Variants in NUDT12 observed in about 807,000 individuals in gnomAD.
NUDT12 encodes nudix hydrolase 12, also known as NAD-capped RNA hydrolase NUDT12.
In NUDT12, 42 loss-of-function variants were observed where a neutral mutation model predicts 45.7. The observed-to-expected ratio is 0.92, with a 90% CI of 0.72 to 1.19. The LOEUF is 1.19. Ranked by LOEUF, NUDT12 falls within the 50% of genes most tolerant of loss-of-function variation. The pLI, the probability that NUDT12 is intolerant of heterozygous loss-of-function variation, is 0.00. For missense variants in NUDT12, 590 were observed against 533.1 expected (o/e 1.11, Z -1.05); for synonymous variants, 206 against 179.7 (o/e 1.15, Z -1.17).
Position 103,552,405 on chromosome 5 carries a change from C to T in NUDT12, c.1090G>A (p.Glu364Lys), listed in dbSNP as rs1464831176. 3.1e-6 allele frequency: 5 copies of T among 1,613,378 alleles called. No individual in the cohort carries two copies. The highest frequency in any genetic ancestry group is 4.2e-6 in the Non-Finnish European group (5 of 1,179,594). The change falls in exon 6 of 7, where the codon GAA (glutamate) becomes AAA (lysine). Residue 364 changes from glutamate to lysine, a missense_variant. Transcript: ENST00000230792. ...AGFIEPGETI[E>K]DAVRREVEEE... is the part of the protein sequence containing the mutation. ...TCTACTTCTCTCCTAACAGCATCTT[C>T]TATTGTCTCTCCTAATGAAATGGAG...
In NUDT12 at chr5:103,554,814, G is replaced by C. The variant is rs757707332; in HGVS notation, c.1004C>G (p.Thr335Ser). 6.4e-5 allele frequency: 100 copies of C among 1,564,086 alleles called. No homozygotes were observed. Among genetic ancestry groups the C allele is most frequent in the Non-Finnish European group, 8.7e-5 (100 of 1,149,906 alleles). ...TTTCTGCCTGCCTAAAAGGCATTTG[G>C]TCCCATCTGGATGAATAACTTGCAT... ...VIMQVIHPDG[T>S]KCLLGRQKRF... Residue 335 changes from threonine to serine, a missense_variant, in exon 5 of 7, where the codon ACC becomes AGC. By Grantham distance (58) the Thr-to-Ser change is moderately conservative (BLOSUM62 1). Coordinates refer to ENST00000230792, the MANE Select transcript of NUDT12 (RefSeq NM_031438.4).
Position 103,556,026 on chromosome 5 carries a change from G to C in NUDT12, c.869C>G (p.Ala290Gly). The change falls in exon 4 of 7, where the codon GCA becomes GGA. Residue 290 changes from alanine to glycine, a missense_variant. Coordinates refer to ENST00000230792, the MANE Select transcript of NUDT12 (RefSeq NM_031438.4). ...RYKFCPTCGN[A>G]TKIEEGGYKR... ...ATAGCCACCTTCTTCAATTTTAGTTGCATTTCCACAGGTTGGGCAAAACTT... is the reference window on the plus strand; with the variant it reads ...ATAGCCACCTTCTTCAATTTTAGTTCCATTTCCACAGGTTGGGCAAAACTT... The C allele has an allele frequency of 6.2e-7, 1 of 1,611,902 alleles. No individual in the cohort carries two copies. The highest frequency in any genetic ancestry group is 8.5e-7 in the Non-Finnish European group (1 of 1,178,638).
intron 1 of NUDT12, among the ~76,000 whole-genome samples, 186 bp downstream of exon 1, chr5:103,562,517 T>A (rs1749066564): frequency 6.6e-6 from 1 of 152,142 alleles, no homozygotes; most frequent in African/African-American, 2.4e-5. Context: ...ACCTCCGCCC[T>A]GTCGCGGGAG....
chr5:103,560,316 A>C, intron 1 of NUDT12, 62 bp from the exon 2 acceptor site: 1 of 923,932 alleles, frequency 1.1e-6, no homozygotes, highest in East Asian at 2.6e-5. Flanking sequence ...TCAATGAACA[A>C]TATTGATAAA....
At chr5:103,552,151 C>T (rs1748672226) in intron 6 of NUDT12, 66 bp downstream of exon 6, 2 of 1,340,570 alleles carry the variant, frequency 1.5e-6, no homozygotes, top group Non-Finnish European at 2.1e-6. Context: ...TGCATCCTTG[C>T]TCTGTGACCA....
chr5:103,552,001 T>C (rs1483674397), intron 6 of NUDT12, among the ~76,000 whole-genome samples: 2 of 152,204 alleles, frequency 1.3e-5, no homozygotes, highest in African/African-American at 2.4e-5. Context: ...TACAGAATCA[T>C]CTCTACTAGA....
rs745956732 is a variant in NUDT12 at position 103,550,977 on chromosome 5, A to T, written c.1279-6T>A. ...TTGGTCAGAACATCCAGGACCTAAA[A>T]CACACCATAATAGAATGCATTAGGA... On this transcript the variant is annotated splice_polypyrimidine_tract_variant and splice_region_variant and intron_variant, in intron 6 of 6. Coordinates refer to ENST00000230792, the MANE Select transcript of NUDT12 (RefSeq NM_031438.4). 3 of 1,598,990 alleles carry T rather than the reference A, an allele frequency of 1.9e-6. No individual in the cohort carries two copies. The highest frequency in any genetic ancestry group is 2.6e-6 in the Non-Finnish European group (3 of 1,166,456).
chr5:103,557,110 A>G lies in NUDT12; in HGVS notation c.797-1012T>C, dbSNP rs78328022. Among the ~76,000 whole-genome samples the G allele has an allele frequency of 3.7e-3, 555 of 151,660 alleles. 6 individuals are homozygous for G. The highest frequency in any genetic ancestry group is 0.013 in the African/African-American group (526 of 41,422). The stretch of plus-strand genomic sequence containing the variant: ...ATTATTTAATGTTTAGAGCAACCCT[A>G]AAGAAGATAGATACTATTATTATCA... On this transcript the variant is annotated intron_variant, in intron 3 of 6. Transcript: ENST00000230792.
Position 103,559,158 on chromosome 5 carries a change from C to A in NUDT12, c.517G>T (p.Glu173Ter). 2 of 1,563,368 alleles carry A rather than the reference C, an allele frequency of 1.3e-6. No individual in the cohort carries two copies. Among genetic ancestry groups the A allele is most frequent in the Non-Finnish European group, 1.7e-6 (2 of 1,158,260 alleles). Residue 173 changes from glutamate to a stop codon, truncating the protein, a stop_gained, in exon 3 of 7, where the codon GAA becomes TAA. Transcript: ENST00000230792. LOFTEE classifies it high-confidence loss of function. ...GGNKESFQQP[E>*]VRLCQLNYTD... ...TAGTTCAGCTGACAAAGCCTAACTT[C>A]TGGCTGTTGGAAACTTTCTTTATTG...
intron 1 of NUDT12, among the ~76,000 whole-genome samples, chr5:103,561,768 C>T (rs1228903452): frequency 2.0e-5 from 3 of 152,190 alleles, no homozygotes; most frequent in Non-Finnish European, 4.4e-5. Context: ...ATTTCACTGT[C>T]TCATGTTCTG....
chr5:103,552,451 G>A, intron 5 of NUDT12, 35 bp from the exon 6 acceptor site: 1 of 1,525,156 alleles, frequency 6.6e-7, no homozygotes, highest in African/African-American at 1.4e-5. Flanking sequence ...AGTTGCTGAT[G>A]AACATGCCCG....
rs1235180196 is a variant in NUDT12 at position 103,549,614 on chromosome 5, C to A, written c.*1247G>T. On this transcript the variant is annotated 3_prime_UTR_variant, in exon 7 of 7. Coordinates refer to ENST00000230792, the MANE Select transcript of NUDT12 (RefSeq NM_031438.4). ...TAGGTAAATTCACCTTTCACAATTT[C>A]TTTTTCCTTATCTATAAAATAAGGA... The A allele has an allele frequency of 6.6e-6, 1 of 151,908 alleles. No homozygotes were observed. Among genetic ancestry groups the A allele is most frequent in the East Asian group, 1.9e-4 (1 of 5,178 alleles). The allele number at this position is 151,908 out of a possible 1,614,324, so 9.4% of individuals were successfully genotyped here. A position where few individuals can be genotyped will look rare whatever the true frequency, so the allele number is the denominator to read the frequency against.
Position 103,550,913 on chromosome 5 carries a change from G to A in NUDT12, c.1337C>T (p.Ala446Val), listed in dbSNP as rs1402199401. The A allele has an allele frequency of 1.2e-6, 2 of 1,613,724 alleles. No homozygotes were observed. Among genetic ancestry groups the A allele is most frequent in the South Asian group, 2.2e-5 (2 of 91,068 alleles). Residue 446 changes from alanine to valine, a missense_variant, in exon 7 of 7, where the codon GCT becomes GTT. Transcript: ENST00000230792. ...QQAFFVPPSR[A>V]IAHQLIKHWI... is the part of the protein sequence containing the mutation. ...GTGTTTGATTAATTGATGTGCAATA[G>A]CTCGGCTTGGTGGCACAAAGAATGC...
At chr5:103,559,651 G>T in intron 2 of NUDT12, 183 bp from the exon 3 acceptor site, 1 of 447,756 alleles carries the variant, frequency 2.2e-6, no homozygotes, top group Non-Finnish European at 3.9e-6. Flanking sequence ...AATCATAAAT[G>T]ACAAAAAGTT....
intron 5 of NUDT12, among the ~76,000 whole-genome samples, chr5:103,552,821 C>CT (rs1055896262): frequency 7.2e-5 from 11 of 151,864 alleles, no homozygotes; most frequent in Non-Finnish European, 1.3e-4. Flanking sequence ...AATTCTGAAA[C>CT]TTTTTTTTAT....
rs1468656234 is a variant in NUDT12, at chr5:103,559,476, TGGAAGAAAAAATTG to T, written c.207-22_207-9del. The T allele has an allele frequency of 6.5e-6, 9 of 1,385,648 alleles. No individual in the cohort carries two copies. In the Admixed American group the frequency reaches 2.2e-4, roughly 34 times the overall value. 85.8% of individuals were successfully genotyped at this position (1,385,648 alleles called of 1,614,324 possible). On this transcript the variant is annotated splice_polypyrimidine_tract_variant and intron_variant, in intron 2 of 6. Coordinates refer to ENST00000230792, the MANE Select transcript of NUDT12 (RefSeq NM_031438.4). ...ACAATTGATCTGTCACACCTATAGATGGAAGAAAAAATTGGGGAGAAAAAGTAAAATAGGAAGTA... is the reference window on the plus strand; with the variant it reads ...ACAATTGATCTGTCACACCTATAGATGGGAGAAAAAGTAAAATAGGAAGTA...
chr5:103,559,065 C>T lies in NUDT12; in HGVS notation c.610G>A (p.Glu204Lys). 2 of 1,613,450 alleles carry T rather than the reference C, an allele frequency of 1.2e-6. No homozygotes were observed. The highest frequency in any genetic ancestry group is 2.2e-5 in the East Asian group (1 of 44,838). ...ITLIFLGVEL[E>K]IKDKLLNYAG... Reference sequence around the variant, plus strand: ...TAATTAAGTAGTTTGTCTTTTATTTCAAGTTCTACTCCAAGAAAAATCAAG... The same window carrying T: ...TAATTAAGTAGTTTGTCTTTTATTTTAAGTTCTACTCCAAGAAAAATCAAG... The change falls in exon 3 of 7, where the codon GAA (glutamate) becomes AAA (lysine). Residue 204 changes from glutamate (E) to lysine (K), a missense_variant. Transcript: ENST00000230792.
intron 6 of NUDT12, among the ~76,000 whole-genome samples, chr5:103,551,668 CAGAA>C (rs1392954312): frequency 2.6e-5 from 4 of 152,026 alleles, no homozygotes; most frequent in East Asian, 1.9e-4. Flanking sequence ...CAGGCAAAGT[CAGAA>C]AGAATTTCAG....
intron 3 of NUDT12, among the ~76,000 whole-genome samples, chr5:103,556,734 A>C (rs1391320966): frequency 6.6e-6 from 1 of 152,046 alleles, no homozygotes; most frequent in Non-Finnish European, 1.5e-5. Flanking sequence ...CTGGTAGTTC[A>C]AAAAAAGTTA....
Sources: allele counts gnomAD v4.1 joint callset (sites outside exome capture counted in the v4.1 genomes callset), GRCh38; gene constraint gnomAD v4.1.1; transcripts MANE v1.5; gene names NCBI Gene and HGNC (gene_info 2026-07-23, HGNC 2026-07-21).